Variants in TRIM72 observed in about 807,000 individuals in gnomAD.
TRIM72 encodes the protein tripartite motif-containing protein 72.
Under a neutral mutation model 31.6 loss-of-function variants are expected in TRIM72, and 33 were observed. The ratio of observed to expected loss-of-function variants is 1.04; its 90% CI spans 0.79 to 1.40. The LOEUF is 1.40. Among genes scored for constraint, TRIM72 ranks in the 40% most tolerant of loss-of-function variants. The pLI, the probability that TRIM72 is intolerant of heterozygous loss-of-function variation, is 0.00. For missense variants in TRIM72, 666 were observed against 682.7 expected (o/e 0.98, Z 0.27); for synonymous variants, 301 against 314.4 (o/e 0.96, Z 0.45).
intron 5 of TRIM72, among the ~76,000 whole-genome samples, chr16:31,221,744 G>A (rs1206130856): frequency 5.1e-5 from 7 of 137,314 alleles, no homozygotes; most frequent in South Asian, 2.5e-4. Flanking sequence ...GAGAAGAAGC[G>A]CACTGTGGGG....
At position 31,224,912 on chromosome 16, in the gene TRIM72, C is replaced by G; in HGVS notation, c.*157C>G. 1 of 755,606 alleles carries G rather than the reference C, an allele frequency of 1.3e-6. No individual in the cohort carries two copies. Among genetic ancestry groups the G allele is most frequent in the Non-Finnish European group, 1.9e-6 (1 of 515,956 alleles). 46.8% of individuals were successfully genotyped at this position (755,606 alleles called of 1,614,324 possible). A position where few individuals can be genotyped will look rare whatever the true frequency, so the allele number is the denominator to read the frequency against. ...GAATACTGACAAGCGTGGGGTAGGACTGGCTTGGTGGCTCATGCCTGTAAT... is the reference window on the plus strand; with the variant it reads ...GAATACTGACAAGCGTGGGGTAGGAGTGGCTTGGTGGCTCATGCCTGTAAT... On this transcript the variant is annotated 3_prime_UTR_variant, in exon 7 of 7. Transcript: ENST00000322122.
rs1567497145 is a variant in TRIM72 at position 31,227,163 on chromosome 16, C to T, written c.*2408C>T. 1.3e-5 allele frequency: 2 copies of T among 152,312 alleles called. No homozygotes were observed. The highest frequency in any genetic ancestry group is 3.9e-4 in the East Asian group (2 of 5,188). The allele number at this position is 152,312 out of a possible 1,614,324, so 9.4% of individuals were successfully genotyped here. On this transcript the variant is annotated 3_prime_UTR_variant, in exon 7 of 7. Coordinates refer to ENST00000322122, the MANE Select transcript of TRIM72 (RefSeq NM_001008274.4). ...TTAATAAAACTGTTATATTCTGACT[C>T]CTTCCTCATTAAATCCACATGAAAA...
At position 31,219,499 on chromosome 16, in the gene TRIM72, C is replaced by A; in HGVS notation, c.697C>A (p.Pro233Thr). ...GGTCCTGGAGGAGGTGGCGGACAAG[C>A]CGCAGACTGAGTTCCTCATGGTGAG... ...EKVLEEVADK[P>T]QTEFLMKYCL... Residue 233 changes from proline to threonine, a missense_variant, in exon 4 of 7, where the codon CCG becomes ACG. Pro to Thr is a conservative substitution (Grantham distance 38). Transcript: ENST00000322122. This position sits in a 1 kb window ranked among gnomAD's most constrained non-coding sequence, Gnocchi z 4.2. 1 of 1,611,820 alleles carries A rather than the reference C, an allele frequency of 6.2e-7. No individual in the cohort carries two copies. The highest frequency in any genetic ancestry group is 8.5e-7 in the Non-Finnish European group (1 of 1,179,234).
chr16:31,228,262 TA>T lies in TRIM72; in HGVS notation c.*3512del, dbSNP rs1461500602. 6.6e-6 allele frequency: 1 copy of T among 152,196 alleles called. No homozygotes were observed. Among genetic ancestry groups the T allele is most frequent in the African/African-American group, 2.4e-5 (1 of 41,434 alleles). 9.4% of individuals were successfully genotyped at this position (152,196 alleles called of 1,614,324 possible). On this transcript the variant is annotated 3_prime_UTR_variant, in exon 7 of 7. Coordinates refer to ENST00000322122, the MANE Select transcript of TRIM72 (RefSeq NM_001008274.4). ...GCCGCGCCCAGCCCCAGCTTCATCT[TA>T]AAAAGAAAAGTTCTCTGTTTTAATA...
chr16:31,217,205 T>C (rs1596938373), intron 2 of TRIM72: 4 of 652,198 alleles, frequency 6.1e-6, no homozygotes, highest in Non-Finnish European at 1.0e-5. Flanking sequence ...GCCTAGAGGG[T>C]CCCCCAGTTT....
At chr16:31,220,959 C>T (rs773866132) in intron 5 of TRIM72, 41 bp downstream of exon 5, 2 of 1,613,812 alleles carry the variant, frequency 1.2e-6, no homozygotes, top group South Asian at 2.2e-5. Flanking sequence ...CGACTTGTCC[C>T]AGTCTTCTAG....
At chr16:31,217,729 C>T (rs1405914871) in intron 2 of TRIM72, among the ~76,000 whole-genome samples, 1 of 152,018 alleles carries the variant, frequency 6.6e-6, no homozygotes, top group African/African-American at 2.4e-5. Flanking sequence ...ATTCTCCTGC[C>T]TCAGCCTCCC....
rs1160718865 is a variant in TRIM72, at chr16:31,225,643, C to CTTTTTTTTTTTTTTTTT, written c.*898_*914dup. 1.7e-4 allele frequency: 14 copies of CTTTTTTTTTTTTTTTTT among 81,106 alleles called. No homozygotes were observed. The highest frequency in any genetic ancestry group is 5.9e-4 in the South Asian group (1 of 1,696). The allele number at this position is 81,106 out of a possible 1,614,324, so 5.0% of individuals were successfully genotyped here. A position where few individuals can be genotyped will look rare whatever the true frequency, so the allele number is the denominator to read the frequency against. ...AAATGCTCATTTCTTTTTTTTATTT[C>CTTTTTTTTTTTTTTTTT]TTTTTTTTTTTTTTTTTTTTTTTTT... On this transcript the variant is annotated 3_prime_UTR_variant, in exon 7 of 7. Transcript: ENST00000322122.
intron 5 of TRIM72, among the ~76,000 whole-genome samples, chr16:31,221,638 GC>G (rs1174139697): frequency 7.0e-6 from 1 of 141,858 alleles, no homozygotes; most frequent in Non-Finnish European, 1.5e-5. Flanking sequence ...GAAGGGCATT[GC>G]TGGGAGAAGA....
intron 2 of TRIM72, among the ~76,000 whole-genome samples, chr16:31,217,691 T>G (rs1460723968): frequency 1.3e-5 from 2 of 151,418 alleles, no homozygotes; most frequent in Non-Finnish European, 2.9e-5. Flanking sequence ...CTTGGCTCAC[T>G]GCAACCTCCG....
Position 31,225,115 on chromosome 16 carries a change from A to C in TRIM72, c.*360A>C, listed in dbSNP as rs552766395. On this transcript the variant is annotated 3_prime_UTR_variant, in exon 7 of 7. Transcript: ENST00000322122. The stretch of plus-strand genomic sequence containing the variant: ...TGAGGCAGGATAATTGCTTGAACCC[A>C]GGAGGTGGAGGTTGCAGTGAGCAGA... 12 of 165,700 alleles carry C rather than the reference A, an allele frequency of 7.2e-5. No homozygotes were observed. Among genetic ancestry groups the C allele is most frequent in the African/African-American group, 2.6e-4 (11 of 41,892 alleles). 10.3% of individuals were successfully genotyped at this position (165,700 alleles called of 1,614,324 possible).
In TRIM72 at chr16:31,215,101, T is replaced by C; in HGVS notation, c.363T>C (p.Pro121=). 6.9e-7 allele frequency: 1 copy of C among 1,447,066 alleles called. No individual in the cohort carries two copies. The highest frequency in any genetic ancestry group is 9.0e-7 in the Non-Finnish European group (1 of 1,109,264). The allele number at this position is 1,447,066 out of a possible 1,614,324, so 89.6% of individuals were successfully genotyped here. Residue 121 remains proline, a synonymous_variant, in exon 2 of 7, where the codon CCT becomes CCC. Transcript: ENST00000322122. This position sits in a 1 kb window ranked among gnomAD's most constrained non-coding sequence, Gnocchi z 6.3. ...CGCACCGCGGTCATCGCCTCCTGCC[T>C]GCCGCCGAGGCCCACGCACGCCTCA... is the stretch of plus-strand genomic sequence containing the variant. ...LGSHRGHRLL[P]AAEAHARLKT...
chr16:31,214,880 G>T lies in TRIM72; in HGVS notation c.142G>T (p.Asp48Tyr). ...CCGCGTGGCCGGGGAGCCGGCGGCGGATGGCACCGTTCTCTGCCCCTGCTG... is the reference window on the plus strand; with the variant it reads ...CCGCGTGGCCGGGGAGCCGGCGGCGTATGGCACCGTTCTCTGCCCCTGCTG... ...LGRVAGEPAA[D>Y]GTVLCPCCQA... is the part of the protein sequence containing the mutation. The change falls in exon 2 of 7, where the codon GAT (aspartate) becomes TAT (tyrosine). Residue 48 changes from aspartate to tyrosine, a missense_variant. Transcript: ENST00000322122. The T allele has an allele frequency of 6.5e-7, 1 of 1,528,758 alleles. No homozygotes were observed. The highest frequency in any genetic ancestry group is 8.7e-7 in the Non-Finnish European group (1 of 1,145,744). The allele number at this position is 1,528,758 out of a possible 1,614,324, so 94.7% of individuals were successfully genotyped here. A position where few individuals can be genotyped will look rare whatever the true frequency, so the allele number is the denominator to read the frequency against.
chr16:31,217,486 CAAAAAAAAAAAAAA>C (rs61369552), intron 2 of TRIM72: 2 of 50,282 alleles, frequency 4.0e-5, no homozygotes, highest in Non-Finnish European at 7.9e-5. Flanking sequence ...ATCCTGTCTC[CAAAAAAAAAAAAAA>C]AAAAAAAAAA....
intron 6 of TRIM72, among the ~76,000 whole-genome samples, chr16:31,223,750 T>A (rs1020585250): frequency 1.3e-5 from 2 of 151,486 alleles, no homozygotes; most frequent in African/African-American, 4.9e-5. Flanking sequence ...TACAAAAACT[T>A]AAAAAAATTA....
rs144454989 is a variant in TRIM72, at chr16:31,222,031, G to A, written c.741-796G>A. 1.5e-3 allele frequency among the ~76,000 whole-genome samples: 232 copies of A among 152,306 alleles called. 1 individual carries two copies. Among genetic ancestry groups the A allele is most frequent in the African/African-American group, 5.2e-3 (217 of 41,574 alleles). On this transcript the variant is annotated intron_variant, in intron 5 of 6. Transcript: ENST00000322122. ...CGAGTGGGAGGGAAGAGGAAGCTGC[G>A]GTAGTAGGTGTGTGCACACTGGCGA... is the stretch of plus-strand genomic sequence containing the variant.
intron 4 of TRIM72, among the ~76,000 whole-genome samples, chr16:31,220,460 T>TG (rs2079528584): frequency 9.5e-6 from 1 of 105,214 alleles, no homozygotes; most frequent in South Asian, 4.7e-4. Flanking sequence ...TTTTGCGTTT[T>TG]TTTTTTTTTT....
Position 31,215,252 on chromosome 16 carries a change from G to T in TRIM72, c.390+124G>T. 2 of 1,310,012 alleles carry T rather than the reference G, an allele frequency of 1.5e-6. No homozygotes were observed. Among genetic ancestry groups the T allele is most frequent in the Non-Finnish European group, 2.0e-6 (2 of 1,020,770 alleles). The allele number at this position is 1,310,012 out of a possible 1,614,324, so 81.1% of individuals were successfully genotyped here. Reference sequence around the variant, plus strand: ...GGCTCACGAGCTCCTGGAGTTGCGGGGGGCGGGGGCGGGGCGAAGCAGCCA... The same window carrying T: ...GGCTCACGAGCTCCTGGAGTTGCGGTGGGCGGGGGCGGGGCGAAGCAGCCA... On this transcript the variant is annotated intron_variant, in intron 2 of 6. Coordinates refer to ENST00000322122, the MANE Select transcript of TRIM72 (RefSeq NM_001008274.4). The surrounding 1 kb of genome is among the most constrained non-coding windows in gnomAD (Gnocchi z 6.3).
rs2079562800 is a variant in TRIM72 at position 31,229,198 on chromosome 16, T to C, written c.*4443T>C. On this transcript the variant is annotated 3_prime_UTR_variant, in exon 7 of 7. Transcript: ENST00000322122. ...GAGATTTTAGGAGGGAAGATGCCCA[T>C]GTGAGGGAAGATGGGGAGGGCCATC... 1.3e-5 allele frequency: 2 copies of C among 150,702 alleles called. No homozygotes were observed. Among genetic ancestry groups the C allele is most frequent in the African/African-American group, 4.9e-5 (2 of 41,116 alleles). 9.3% of individuals were successfully genotyped at this position (150,702 alleles called of 1,614,324 possible). A position where few individuals can be genotyped will look rare whatever the true frequency, so the allele number is the denominator to read the frequency against.
Sources: allele counts gnomAD v4.1 joint callset (sites outside exome capture counted in the v4.1 genomes callset), GRCh38; gene constraint gnomAD v4.1.1; non-coding constraint Gnocchi (gnomAD v3.1); transcripts MANE v1.5; gene names NCBI Gene and HGNC (gene_info 2026-07-23, HGNC 2026-07-21).